Variants in INO80D observed in about 807,000 individuals in gnomAD.
INO80D encodes the protein INO80 complex subunit D.
Under a neutral mutation model 87.6 loss-of-function variants are expected in INO80D, and 21 were observed. That is an observed-to-expected ratio of 0.24 (90% CI 0.17 to 0.35). The LOEUF is 0.35. Ranked by LOEUF, INO80D falls within the 10% of genes least tolerant of loss-of-function variation. The pLI, the probability that INO80D is intolerant of heterozygous loss-of-function variation, is 1.00. For missense variants in INO80D, 982 were observed against 1,280.7 expected (o/e 0.77, Z 3.56); for synonymous variants, 440 against 491.0 (o/e 0.90, Z 1.37).
intron 8 of INO80D, among the ~76,000 whole-genome samples, chr2:206,012,413 T>C (rs558745252): frequency 1.3e-5 from 2 of 152,320 alleles, no homozygotes; most frequent in African/African-American, 2.4e-5. Flanking sequence ...CAGCCTACTC[T>C]GGCTGCTATG....
At position 206,074,874 on chromosome 2, in the gene INO80D, G is replaced by A. The variant is rs113973045; in HGVS notation, c.-124+11027C>T. Among the ~76,000 whole-genome samples, 5 of 152,220 alleles carry A rather than the reference G, an allele frequency of 3.3e-5. 1 individual carries two copies. The highest frequency in any genetic ancestry group is 1.9e-4 in the East Asian group (1 of 5,178). ...GAATCGCTTAAACCCAGGAGGCAGA[G>A]GTTGCTGTGAGCCGAGATCGCTCCA... On this transcript the variant is annotated intron_variant, in intron 1 of 10. Coordinates refer to ENST00000403263, the MANE Select transcript of INO80D (RefSeq NM_017759.5).
rs542519468 is a variant in INO80D at position 206,017,578 on chromosome 2, G to A, written c.1542+102C>T. 5.4e-5 allele frequency: 50 copies of A among 932,100 alleles called. 1 individual carries two copies. The South Asian group carries it at 1.2e-3, about 22-fold the overall frequency. 57.7% of individuals were successfully genotyped at this position (932,100 alleles called of 1,614,324 possible). A position where few individuals can be genotyped will look rare whatever the true frequency, so the allele number is the denominator to read the frequency against. ...GAATAAAAATCCTCTCTCAAAACTT[G>A]TTTCAGTGATTTATATACATACATA... On this transcript the variant is annotated intron_variant, in intron 8 of 10. Coordinates refer to ENST00000403263, the MANE Select transcript of INO80D (RefSeq NM_017759.5).
At chr2:206,041,093 A>G (rs951332157) in intron 5 of INO80D, among the ~76,000 whole-genome samples, 1 of 152,250 alleles carries the variant, frequency 6.6e-6, no homozygotes, top group Non-Finnish European at 1.5e-5. Context: ...AAAACAAAGC[A>G]TATGAGTACA....
At chr2:206,066,330 G>A (rs778124605) in intron 1 of INO80D, among the ~76,000 whole-genome samples, 2 of 152,070 alleles carry the variant, frequency 1.3e-5, no homozygotes, top group African/African-American at 2.4e-5. Context: ...CCCACTACTA[G>A]GCATTTTTCC....
chr2:206,082,042 T>TA (rs1400576370), intron 1 of INO80D, among the ~76,000 whole-genome samples: 2 of 152,180 alleles, frequency 1.3e-5, no homozygotes, highest in Non-Finnish European at 1.5e-5. Context: ...TTTTTTGAGA[T>TA]AGAGTTTTGC....
In INO80D at chr2:206,004,680, AGTG is replaced by A. The variant is rs776736752; in HGVS notation, c.2769_2771del (p.Thr924del). The stretch of plus-strand genomic sequence containing the variant: ...CAGGCTGTGTGGTCTCTGAGTTCGA[AGTG>A]GTGGGTGGCGTGGATAGGGAAGTGG... On this transcript the variant is annotated inframe_deletion, in exon 11 of 11. Transcript: ENST00000403263. This position sits in a 1 kb window ranked among gnomAD's most constrained non-coding sequence, Gnocchi z 4.9. 6.2e-7 allele frequency: 1 copy of A among 1,613,802 alleles called. No homozygotes were observed. Among genetic ancestry groups the A allele is most frequent in the South Asian group, 1.1e-5 (1 of 91,050 alleles).
At chr2:206,017,344 T>A (rs1688345712) in intron 8 of INO80D, among the ~76,000 whole-genome samples, 1 of 152,254 alleles carries the variant, frequency 6.6e-6, no homozygotes, top group African/African-American at 2.4e-5. Context: ...TTAGGATTTA[T>A]GATAACTAGC....
intron 1 of INO80D, among the ~76,000 whole-genome samples, chr2:206,076,743 A>G (rs571242471): frequency 6.6e-6 from 1 of 152,330 alleles, no homozygotes; most frequent in South Asian, 2.1e-4. Flanking sequence ...TAGAAAGGTA[A>G]GGATAGTTTA....
chr2:206,011,809 G>A (rs1003477536), intron 8 of INO80D, among the ~76,000 whole-genome samples: 3 of 152,222 alleles, frequency 2.0e-5, no homozygotes, highest in African/African-American at 7.2e-5. Flanking sequence ...CTGCCCTTGT[G>A]AGGTTTACAT....
intron 1 of INO80D, among the ~76,000 whole-genome samples, chr2:206,075,455 A>ATTTTG (rs1307165624): frequency 5.1e-4 from 77 of 150,304 alleles, no homozygotes; most frequent in African/African-American, 1.8e-3. Context: ...TTTTTTTTTA[A>ATTTTG]AGACAGAATC....
rs1437645670 is a variant in INO80D, at chr2:206,051,034, G to A, written c.965-4422C>T. 4.6e-5 allele frequency among the ~76,000 whole-genome samples: 7 copies of A among 152,090 alleles called. No homozygotes were observed. The East Asian group carries it at 1.4e-3, about 29-fold the overall frequency. ...CTAATGTCTAAATGAGTTCCAGCTA[G>A]ATAAAATGTAAATAATGAAATGATA... On this transcript the variant is annotated intron_variant, in intron 4 of 10. Transcript: ENST00000403263.
At chr2:206,013,902 T>TA (rs1688246935) in intron 8 of INO80D, among the ~76,000 whole-genome samples, 1 of 150,024 alleles carries the variant, frequency 6.7e-6, no homozygotes, top group African/African-American at 2.5e-5. Context: ...CTCATGCCTG[T>TA]AATCCCAGCA....
At chr2:206,070,663 T>G (rs980130521) in intron 1 of INO80D, among the ~76,000 whole-genome samples, 1 of 151,914 alleles carries the variant, frequency 6.6e-6, no homozygotes, top group Non-Finnish European at 1.5e-5. Flanking sequence ...GAGGTTGCAG[T>G]TAGGCAAGAT....
rs1181728293 is a variant in INO80D at position 206,056,573 on chromosome 2, G to C, written c.589C>G (p.Pro197Ala). ...GGCTGCTGCTGTGAAGGTGCAGGAG[G>C]GGGACTAAAGTGCTCTTGTCGAACT... Reference protein sequence around the residue: ...LKVRQEHFSPPPAPSQQQPPQ... With the variant: ...LKVRQEHFSPAPAPSQQQPPQ... The change falls in exon 4 of 11, where the codon CCT becomes GCT. Residue 197 changes from proline (P) to alanine (A), a missense_variant. Transcript: ENST00000403263. 4 of 1,612,220 alleles carry C rather than the reference G, an allele frequency of 2.5e-6. No homozygotes were observed. The South Asian group carries it at 4.4e-5, about 18-fold the overall frequency.
chr2:206,045,010 A>C (rs924315915), intron 5 of INO80D, among the ~76,000 whole-genome samples: 22 of 152,232 alleles, frequency 1.4e-4, no homozygotes, highest in African/African-American at 5.3e-4. Flanking sequence ...CAGTGTAAGA[A>C]AAAAAGGTAT....
chr2:206,047,582 G>T (rs1268777566), intron 4 of INO80D, among the ~76,000 whole-genome samples: 1 of 151,942 alleles, frequency 6.6e-6, no homozygotes, highest in Admixed American at 6.6e-5. Context: ...ATACAAACAA[G>T]AGGGTGAGAA....
rs1690464280 is a variant in INO80D at position 206,086,097 on chromosome 2, T to A, written c.-320A>T. 6.6e-6 allele frequency: 1 copy of A among 152,128 alleles called. No homozygotes were observed. The allele number at this position is 152,128 out of a possible 1,614,324, so 9.4% of individuals were successfully genotyped here. A position where few individuals can be genotyped will look rare whatever the true frequency, so the allele number is the denominator to read the frequency against. On this transcript the variant is annotated 5_prime_UTR_variant, in exon 1 of 11. Coordinates refer to ENST00000403263, the MANE Select transcript of INO80D (RefSeq NM_017759.5). Reference sequence around the variant, plus strand: ...TTTTATTTTGGAAACTAAAAAGTGCTCCCAGGGTCGGTGATTATTAAGGGG... The same window carrying A: ...TTTTATTTTGGAAACTAAAAAGTGCACCCAGGGTCGGTGATTATTAAGGGG...
intron 1 of INO80D, among the ~76,000 whole-genome samples, chr2:206,084,240 TACACACACACACACAC>T (rs111836331): frequency 2.2e-5 from 3 of 135,054 alleles, no homozygotes; most frequent in Admixed American, 7.4e-5. Flanking sequence ...ATGTTATACA[TACACACACACACACAC>T]ACACACACAC....
At position 206,005,399 on chromosome 2, in the gene INO80D, A is replaced by G. The variant is rs1158954541; in HGVS notation, c.2053T>C (p.Leu685=). ...AQSDGVPVQE[L]SDRGIGVFST... is the part of the protein sequence containing the mutation. ...AACACCCCTATTCCTCTATCTGACA[A>G]CTCCTGGACTGGCACACCATCTGAC... Residue 685 remains leucine (L), a synonymous_variant, in exon 11 of 11, where the codon TTG becomes CTG. Transcript: ENST00000403263. The G allele has an allele frequency of 1.2e-5, 20 of 1,613,412 alleles. No individual in the cohort carries two copies. Among genetic ancestry groups the G allele is most frequent in the Non-Finnish European group, 1.7e-5 (20 of 1,179,812 alleles).
Sources: gnomAD v4.1 joint callset for allele counts (sites outside exome capture counted in the v4.1 genomes callset) on GRCh38, gnomAD v4.1.1 for gene constraint, Gnocchi (gnomAD v3.1) non-coding constraint, MANE v1.5 for transcripts, NCBI Gene and HGNC (gene_info 2026-07-23, HGNC 2026-07-21) for gene names.